DPP10: variants seen among roughly 807,000 people sequenced by gnomAD.
The protein encoded by DPP10 is inactive dipeptidyl peptidase 10.
DPP10 carries 33 observed loss-of-function variants against 120.9 expected under a neutral mutation model. That is an observed-to-expected ratio of 0.27 (90% CI 0.21 to 0.37). DPP10 has a LOEUF of 0.37. DPP10 is among the 10% of genes least tolerant of loss of function. DPP10 has a pLI of 1.00. For missense variants in DPP10, 816 were observed against 942.8 expected (o/e 0.87, Z 1.76); for synonymous variants, 337 against 326.1 (o/e 1.03, Z -0.36).
intron 1 of DPP10, among the ~76,000 whole-genome samples, chr2:114,477,432 T>TATATATGA (rs1441138613): frequency 2.6e-5 from 4 of 152,092 alleles, no homozygotes; most frequent in African/African-American, 9.7e-5. Context: ...CACATATATG[T>TATATATGA]ATATATGAAA....
intron 1 of DPP10, among the ~76,000 whole-genome samples, chr2:114,661,472 G>A (rs1697398613): frequency 6.6e-6 from 1 of 152,182 alleles, no homozygotes; most frequent in African/African-American, 2.4e-5. Flanking sequence ...AATCGTAGTG[G>A]GATGGCAGAA....
intron 3 of DPP10, among the ~76,000 whole-genome samples, chr2:115,480,030 C>T (rs2075331974): frequency 6.6e-6 from 1 of 152,098 alleles, no homozygotes. Context: ...TCAACTATAG[C>T]CTCTGGGTGC....
intron 1 of DPP10, among the ~76,000 whole-genome samples, chr2:115,206,463 C>T (rs2056137423): frequency 6.6e-6 from 1 of 152,172 alleles, no homozygotes; most frequent in Non-Finnish European, 1.5e-5. Flanking sequence ...CTGAGAAGCA[C>T]TGCAATAGAA....
intron 5 of DPP10, among the ~76,000 whole-genome samples, chr2:115,639,171 C>A (rs556159134): frequency 6.6e-6 from 1 of 152,242 alleles, no homozygotes; most frequent in South Asian, 2.1e-4. Context: ...TGCTGGGTAC[C>A]CCTCTACGTA....
intron 1 of DPP10, among the ~76,000 whole-genome samples, chr2:114,698,097 T>C (rs1700173293): frequency 6.6e-6 from 1 of 152,102 alleles, no homozygotes; most frequent in Non-Finnish European, 1.5e-5. Context: ...TACAGATAGG[T>C]ACCCTTCTAA....
At chr2:115,696,515 CTG>C (rs985415295) in intron 7 of DPP10, among the ~76,000 whole-genome samples, 3 of 152,072 alleles carry the variant, frequency 2.0e-5, no homozygotes, top group Non-Finnish European at 2.9e-5. Flanking sequence ...TCTGGAAAAA[CTG>C]TGTTTCAAAA....
intron 1 of DPP10, among the ~76,000 whole-genome samples, chr2:114,702,152 G>A (rs538887992): frequency 2.6e-5 from 4 of 152,216 alleles, no homozygotes; most frequent in Middle Eastern, 3.4e-3. Context: ...GTGGGGCCAT[G>A]TATTGTATTT....
At chr2:114,989,637 G>A (rs897794149) in intron 1 of DPP10, among the ~76,000 whole-genome samples, 1 of 152,188 alleles carries the variant, frequency 6.6e-6, no homozygotes, top group Non-Finnish European at 1.5e-5. Context: ...TAGAAACTGG[G>A]TCAGAACAAA....
At chr2:115,575,756 A>T (rs1364177074) in intron 5 of DPP10, among the ~76,000 whole-genome samples, 1 of 152,202 alleles carries the variant, frequency 6.6e-6, no homozygotes, top group Non-Finnish European at 1.5e-5. Context: ...TTGAGAGAGC[A>T]TACTGGATTA....
At chr2:115,261,835 A>T (rs763419563) in intron 1 of DPP10, among the ~76,000 whole-genome samples, 3 of 152,222 alleles carry the variant, frequency 2.0e-5, no homozygotes, top group Non-Finnish European at 2.9e-5. Flanking sequence ...TTCTCAAAAG[A>T]TACAAGCTTC....
At chr2:115,698,291 T>G (rs1178729041) in intron 7 of DPP10, among the ~76,000 whole-genome samples, 1 of 151,830 alleles carries the variant, frequency 6.6e-6, no homozygotes, top group African/African-American at 2.4e-5. Context: ...TACAGAAAAA[T>G]TAGAAAATAC....
At chr2:114,695,536 T>C (rs151278540) in intron 1 of DPP10, among the ~76,000 whole-genome samples, 136 of 152,210 alleles carry the variant, frequency 8.9e-4, no homozygotes, top group Non-Finnish European at 1.5e-3. Flanking sequence ...TGAGTCAACA[T>C]TCTAGAAATG....
chr2:115,172,646 C>T (rs2053433446), intron 1 of DPP10, among the ~76,000 whole-genome samples: 1 of 152,174 alleles, frequency 6.6e-6, no homozygotes, highest in African/African-American at 2.4e-5. Context: ...GATGCTTCAT[C>T]TGAAAATGAA....
intron 1 of DPP10, among the ~76,000 whole-genome samples, chr2:114,816,869 G>T (rs1685679833): frequency 6.6e-6 from 1 of 152,156 alleles, no homozygotes; most frequent in Non-Finnish European, 1.5e-5. Context: ...CAAACTATGA[G>T]CCTTCCATAT....
At chr2:115,279,655 CTTTTTTTTTTT>C (rs70941039) in intron 1 of DPP10, among the ~76,000 whole-genome samples, 13 of 42,722 alleles carry the variant, frequency 3.0e-4, no homozygotes, top group South Asian at 1.4e-3. Flanking sequence ...TTTTCTTCTT[CTTTTTTTTTTT>C]TTTTTTTTTT....
chr2:115,377,552 T>C (rs2065910244), intron 3 of DPP10, among the ~76,000 whole-genome samples: 1 of 152,202 alleles, frequency 6.6e-6, no homozygotes, highest in African/African-American at 2.4e-5. Context: ...AGCTCTTTAG[T>C]TTAATTAGAT....
At chr2:115,605,871 TAA>T (rs2083674502) in intron 5 of DPP10, among the ~76,000 whole-genome samples, 1 of 146,638 alleles carries the variant, frequency 6.8e-6, no homozygotes, top group Non-Finnish European at 1.5e-5. Flanking sequence ...AATTGTCAAA[TAA>T]ACTTTAACAA....
intron 1 of DPP10, among the ~76,000 whole-genome samples, chr2:115,114,176 A>T (rs1018068995): frequency 2.0e-5 from 3 of 152,170 alleles, no homozygotes; most frequent in Admixed American, 1.3e-4. Context: ...AGTATATAAC[A>T]TATCTCCTTT....
chr2:114,984,506 A>C (rs1012724400), intron 1 of DPP10, among the ~76,000 whole-genome samples: 2 of 152,134 alleles, frequency 1.3e-5, no homozygotes, highest in Admixed American at 6.5e-5. Context: ...TTAAGAATGA[A>C]AACAGCTGGG....
Sources: allele counts gnomAD v4.1 joint callset (sites outside exome capture counted in the v4.1 genomes callset), GRCh38; gene constraint gnomAD v4.1.1; transcripts MANE v1.5; gene names NCBI Gene and HGNC (gene_info 2026-07-23, HGNC 2026-07-21).